Variants in IL2RA observed in about 807,000 individuals in gnomAD.
IL2RA encodes the protein interleukin-2 receptor subunit alpha.
IL2RA carries 24 observed loss-of-function variants against 37.8 expected under a neutral mutation model. That is an observed-to-expected ratio of 0.63 (90% CI 0.46 to 0.89). The LOEUF (loss-of-function observed/expected upper bound fraction) is 0.89. Ranked by LOEUF, IL2RA falls within the 40% of genes least tolerant of loss-of-function variation. The probability of loss-of-function intolerance (pLI) is 0.00; values close to 1 mark genes in which losing one functional copy is unlikely to be tolerated. For synonymous variants in IL2RA, 125 were observed against 114.6 expected, an observed-to-expected ratio of 1.09 and a Z score of -0.58; for missense variants, 319 against 348.6, an observed-to-expected ratio of 0.92 and a Z score of 0.68.
chr10:6,011,479 G>A lies in IL2RA; in HGVS notation c.*1393C>T, dbSNP rs939388737. On this transcript the variant is annotated 3_prime_UTR_variant, in exon 8 of 8. Transcript: ENST00000379959. The surrounding 1 kb of genome is among the most constrained non-coding windows in gnomAD (Gnocchi z 5.2). ...GGGCCCAGCGAACTCTTTTAACAAG[G>A]CCTCCCGGTGATTCTAATATGCTGA... is the stretch of plus-strand genomic sequence containing the variant. 1 of 152,188 alleles carries A rather than the reference G, an allele frequency of 6.6e-6. No individual in the cohort carries two copies. Among genetic ancestry groups the A allele is most frequent in the Non-Finnish European group, 1.5e-5 (1 of 68,046 alleles). 9.4% of individuals were successfully genotyped at this position (152,188 alleles called of 1,614,324 possible). A position where few individuals can be genotyped will look rare whatever the true frequency, so the allele number is the denominator to read the frequency against.
chr10:6,037,012 GAGAGTTTCC>G (rs958535252), intron 1 of IL2RA, among the ~76,000 whole-genome samples: 1 of 152,164 alleles, frequency 6.6e-6, no homozygotes, highest in African/African-American at 2.4e-5. Context: ...CTTGGAGTAT[GAGAGTTTCC>G]AGGGAGTGAA....
intron 2 of IL2RA, 22 bp from the exon 3 acceptor site, chr10:6,024,376 A>G (rs1045194390): frequency 4.0e-6 from 6 of 1,505,826 alleles, no homozygotes; most frequent in Middle Eastern, 1.7e-4. Flanking sequence ...AGATGGAATG[A>G]TGCAGATAAT....
chr10:6,025,097 T>G lies in IL2RA; in HGVS notation c.256+737A>C, dbSNP rs142909001. Among the ~76,000 whole-genome samples the G allele has an allele frequency of 6.6e-6, 1 of 152,234 alleles. No individual in the cohort carries two copies. Among genetic ancestry groups the G allele is most frequent in the Non-Finnish European group, 1.5e-5 (1 of 68,010 alleles). On this transcript the variant is annotated intron_variant, in intron 2 of 7. Coordinates refer to ENST00000379959, the MANE Select transcript of IL2RA (RefSeq NM_000417.3). The surrounding 1 kb of genome is among the most constrained non-coding windows in gnomAD (Gnocchi z 4.4). ...AAAAATACAAAATATTAGCCAGGCA[T>G]GGTGGTGTGCGCCTATAAGGCCCAG...
Position 6,025,935 on chromosome 10 carries a change from T to C in IL2RA, c.155A>G (p.Lys52Arg). 1 of 1,614,218 alleles carries C rather than the reference T, an allele frequency of 6.2e-7. No homozygotes were observed. Among genetic ancestry groups the C allele is most frequent in the Non-Finnish European group, 8.5e-7 (1 of 1,180,034 alleles). Residue 52 changes from lysine (K) to arginine (R), a missense_variant, in exon 2 of 8, where the codon AAG (lysine) becomes AGG (arginine). Lys to Arg is a conservative substitution (Grantham distance 26). Coordinates refer to ENST00000379959, the MANE Select transcript of IL2RA (RefSeq NM_000417.3). The surrounding 1 kb of genome is among the most constrained non-coding windows in gnomAD (Gnocchi z 4.4). ...GCTTTTTATTCTGCGGAAACCTCTC[T>C]TGCATTCACAGTTCAACATGGTTCC... ...KEGTMLNCEC[K>R]RGFRRIKSGS... is the part of the protein sequence containing the mutation.
intron 1 of IL2RA, among the ~76,000 whole-genome samples, chr10:6,050,034 A>G (rs1029863146): frequency 6.6e-5 from 10 of 152,186 alleles, no homozygotes; most frequent in African/African-American, 2.2e-4. Flanking sequence ...TTGGCTGGGG[A>G]GCATGTTGTG....
At position 6,019,455 on chromosome 10, in the gene IL2RA, T is replaced by C. The variant is rs375756091; in HGVS notation, c.700A>G (p.Ile234Val). Reference protein sequence around the residue: ...TEMAATMETSIFTTEYQVAVA... With the variant: ...TEMAATMETSVFTTEYQVAVA... ...GCTACCTGGTACTCTGTTGTAAATA[T>C]GGACGTCTCCATGGTTGCAGCCATT... Residue 234 changes from isoleucine (I) to valine (V), a missense_variant, in exon 6 of 8, where the codon ATA becomes GTA. By Grantham distance (29) the Ile-to-Val change is conservative. Coordinates refer to ENST00000379959, the MANE Select transcript of IL2RA (RefSeq NM_000417.3). The C allele has an allele frequency of 5.0e-6, 8 of 1,613,746 alleles. No homozygotes were observed. The highest frequency in any genetic ancestry group is 5.9e-6 in the Non-Finnish European group (7 of 1,179,570).
chr10:6,030,890 A>G (rs1839564789), intron 1 of IL2RA, among the ~76,000 whole-genome samples: 2 of 152,162 alleles, frequency 1.3e-5, no homozygotes, highest in African/African-American at 4.8e-5. Flanking sequence ...TTTATATCAT[A>G]TAGAAAATGG....
chr10:6,051,840 T>G (rs1223502009), intron 1 of IL2RA, among the ~76,000 whole-genome samples: 3,256 of 124,478 alleles, frequency 0.026, 581 homozygotes, highest in East Asian at 0.25. Flanking sequence ...TATATATATA[T>G]ATAGAATTTT....
At chr10:6,032,650 G>A (rs1035845351) in intron 1 of IL2RA, among the ~76,000 whole-genome samples, 3 of 149,454 alleles carry the variant, frequency 2.0e-5, no homozygotes, top group Non-Finnish European at 3.0e-5. Context: ...CCCAGATCGC[G>A]TCACTGCACT....
At chr10:6,043,482 A>G (rs902477752) in intron 1 of IL2RA, among the ~76,000 whole-genome samples, 3 of 152,034 alleles carry the variant, frequency 2.0e-5, no homozygotes, top group African/African-American at 7.3e-5. Flanking sequence ...TCTGTCACCC[A>G]GGCTGCAGTG....
intron 1 of IL2RA, among the ~76,000 whole-genome samples, chr10:6,051,908 C>T (rs898118149): frequency 2.8e-5 from 4 of 142,654 alleles, no homozygotes; most frequent in African/African-American, 7.8e-5. Context: ...TGGACTAATA[C>T]GATTCCTTCC....
chr10:6,049,128 T>C (rs770126386), intron 1 of IL2RA, among the ~76,000 whole-genome samples: 3 of 152,214 alleles, frequency 2.0e-5, no homozygotes, highest in Non-Finnish European at 4.4e-5. Flanking sequence ...GCTGGATAAC[T>C]AGGAAAGCTG....
Position 6,012,951 on chromosome 10 carries a change from G to T in IL2RA, c.795-55C>A. ...ATGTGTAACACGGCACCAAAAAAAT[G>T]TGGTCCTCACTCTAAACCAGTGCAC... On this transcript the variant is annotated intron_variant, in intron 7 of 7. Transcript: ENST00000379959. This position sits in a 1 kb window ranked among gnomAD's most constrained non-coding sequence, Gnocchi z 4.8. 1 of 1,548,526 alleles carries T rather than the reference G, an allele frequency of 6.5e-7. No individual in the cohort carries two copies. Among genetic ancestry groups the T allele is most frequent in the Non-Finnish European group, 8.9e-7 (1 of 1,125,338 alleles).
rs577824058 is a variant in IL2RA, at chr10:6,060,908, C to G, written c.64+1180G>C. On this transcript the variant is annotated intron_variant, in intron 1 of 7. Transcript: ENST00000379959. ...ACTCCTGAAATGCATCATTATGTTT[C>G]ATTTCTTAATAAATTCTTTCTACAG... 2.6e-5 allele frequency among the ~76,000 whole-genome samples: 4 copies of G among 152,318 alleles called. No individual in the cohort carries two copies. In the East Asian group the frequency reaches 5.8e-4, roughly 22 times the overall value.
rs1839519420 is a variant in IL2RA, at chr10:6,028,527, T to C, written c.65-2502A>G. On this transcript the variant is annotated intron_variant, in intron 1 of 7. Coordinates refer to ENST00000379959, the MANE Select transcript of IL2RA (RefSeq NM_000417.3). This position sits in a 1 kb window ranked among gnomAD's most constrained non-coding sequence, Gnocchi z 4.1. ...AAGCCTAATAGACAAGAGGATGCGC[T>C]AGTCATTTAACTGCCTGGCAGAGCA... Among the ~76,000 whole-genome samples the C allele has an allele frequency of 1.3e-5, 2 of 152,220 alleles. No individual in the cohort carries two copies. The highest frequency in any genetic ancestry group is 4.8e-5 in the African/African-American group (2 of 41,454).
In IL2RA at chr10:6,048,583, T is replaced by C. The variant is rs1235446876; in HGVS notation, c.64+13505A>G. 6.6e-6 allele frequency among the ~76,000 whole-genome samples: 1 copy of C among 152,224 alleles called. No homozygotes were observed. The highest frequency in any genetic ancestry group is 1.5e-5 in the Non-Finnish European group (1 of 68,028). On this transcript the variant is annotated intron_variant, in intron 1 of 7. Transcript: ENST00000379959. The surrounding 1 kb of genome is among the most constrained non-coding windows in gnomAD (Gnocchi z 5.3). Reference sequence around the variant, plus strand: ...CTTACAGCACCCAGCAGGGTCTGTGTTATTCCCATTTTATACGAACAGAAG... The same window carrying C: ...CTTACAGCACCCAGCAGGGTCTGTGCTATTCCCATTTTATACGAACAGAAG...
chr10:6,050,035 G>C (rs1458955109), intron 1 of IL2RA, among the ~76,000 whole-genome samples: 1 of 152,164 alleles, frequency 6.6e-6, no homozygotes, highest in Non-Finnish European at 1.5e-5. Context: ...TGGCTGGGGA[G>C]CATGTTGTGT....
At chr10:6,027,441 G>A (rs530712656) in intron 1 of IL2RA, among the ~76,000 whole-genome samples, 6 of 152,242 alleles carry the variant, frequency 3.9e-5, no homozygotes, top group Admixed American at 2.6e-4. Flanking sequence ...CAGTGGAACA[G>A]GCAACATAAG....
chr10:6,018,155 T>A lies in IL2RA; in HGVS notation c.728-36A>T. The A allele has an allele frequency of 6.7e-7, 1 of 1,494,604 alleles. No individual in the cohort carries two copies. The highest frequency in any genetic ancestry group is 1.4e-5 in the African/African-American group (1 of 72,554). 92.6% of individuals were successfully genotyped at this position (1,494,604 alleles called of 1,614,324 possible). A position where few individuals can be genotyped will look rare whatever the true frequency, so the allele number is the denominator to read the frequency against. ...AGAGAGGGAGTTCAGCAAAGGGCCCTGGGCTTGGCATGGGGGCAGCAGGAG... is the reference window on the plus strand; with the variant it reads ...AGAGAGGGAGTTCAGCAAAGGGCCCAGGGCTTGGCATGGGGGCAGCAGGAG... On this transcript the variant is annotated intron_variant, in intron 6 of 7. Coordinates refer to ENST00000379959, the MANE Select transcript of IL2RA (RefSeq NM_000417.3). The surrounding 1 kb of genome is among the most constrained non-coding windows in gnomAD (Gnocchi z 5.1).
Sources: allele counts gnomAD v4.1 joint callset (sites outside exome capture counted in the v4.1 genomes callset), GRCh38; gene constraint gnomAD v4.1.1; non-coding constraint Gnocchi (gnomAD v3.1); transcripts MANE v1.5; gene names NCBI Gene and HGNC (gene_info 2026-07-23, HGNC 2026-07-21).